Variants in SORCS1 observed in about 807,000 individuals in gnomAD.
SORCS1 encodes VPS10 domain-containing receptor SorCS1.
In SORCS1, 60 loss-of-function variants were observed where a neutral mutation model predicts 146.1. The ratio of observed to expected loss-of-function variants is 0.41; its 90% confidence interval spans 0.33 to 0.51. The LOEUF (loss-of-function observed/expected upper bound fraction) is 0.51, where lower values mean the gene tolerates loss of function less well. SORCS1 is among the 20% of genes least tolerant of loss of function. SORCS1 has a pLI of 0.21. For synonymous variants in SORCS1, 637 were observed against 584.0 expected (o/e 1.09, Z -1.31); for missense variants, 1,352 against 1,487.6 (o/e 0.91, Z 1.50).
intron 9 of SORCS1, among the ~76,000 whole-genome samples, chr10:106,691,475 T>A (rs887547270): frequency 2.0e-5 from 3 of 152,256 alleles, no homozygotes; most frequent in African/African-American, 4.8e-5. Context: ...TAGTTATTTC[T>A]TATTATTTAA....
rs1273209599 is a variant in SORCS1, at chr10:107,164,344, C to T, written c.183G>A (p.Arg61=). 1 of 1,531,564 alleles carries T rather than the reference C, an allele frequency of 6.5e-7. No homozygotes were observed. The highest frequency in any genetic ancestry group is 8.8e-7 in the Non-Finnish European group (1 of 1,141,314). The allele number at this position is 1,531,564 out of a possible 1,614,324, so 94.9% of individuals were successfully genotyped here. ...GGGGCGTGGCAGGAGCCCTGCCTGG[C>T]CGCCCCTGGTGGGAAAAGCCCCTAG... The part of the protein sequence containing the change: ...STPRGFSHQG[R]PGRAPATPLP... The change falls in exon 1 of 26, where the codon CGG becomes CGA. Residue 61 remains arginine (R), a synonymous_variant. Transcript: ENST00000263054. This position sits in a 1 kb window ranked among gnomAD's most constrained non-coding sequence, Gnocchi z 6.8.
At chr10:107,055,790 C>T (rs1433805651) in intron 1 of SORCS1, among the ~76,000 whole-genome samples, 2 of 151,572 alleles carry the variant, frequency 1.3e-5, no homozygotes, top group Non-Finnish European at 2.9e-5. Flanking sequence ...TCAGGATATA[C>T]CAGGCACCAG....
chr10:106,776,659 T>C lies in SORCS1; in HGVS notation c.760A>G (p.Ser254Gly). ...CCTTCATCTGAGCTGATCAATAAAC[T>C]GCTCTCAATCTCCGGGTCTGTGAGT... ...MLLTDPEIES[S>G]LLISSDEGAT... The change falls in exon 4 of 26, where the codon AGT becomes GGT. Residue 254 changes from serine to glycine, a missense_variant. Transcript: ENST00000263054. 6.2e-7 allele frequency: 1 copy of C among 1,613,952 alleles called. No homozygotes were observed. The highest frequency in any genetic ancestry group is 2.2e-5 in the East Asian group (1 of 44,860).
At chr10:107,039,276 G>A (rs554489250) in intron 1 of SORCS1, among the ~76,000 whole-genome samples, 12 of 145,058 alleles carry the variant, frequency 8.3e-5, no homozygotes, top group Admixed American at 1.4e-4. Context: ...TGCAGTGAGC[G>A]TAGATCGCGT....
At chr10:106,958,010 C>T (rs1295219792) in intron 1 of SORCS1, among the ~76,000 whole-genome samples, 1 of 152,198 alleles carries the variant, frequency 6.6e-6, no homozygotes, top group Non-Finnish European at 1.5e-5. Flanking sequence ...TACCCCTTCT[C>T]AGTCACACCA....
At chr10:106,914,251 T>C (rs1221839551) in intron 2 of SORCS1, among the ~76,000 whole-genome samples, 1 of 152,242 alleles carries the variant, frequency 6.6e-6, no homozygotes, top group African/African-American at 2.4e-5. Context: ...GCTGTTTTTT[T>C]TCTCCTTTCT....
At chr10:106,674,327 T>C in intron 14 of SORCS1, among the ~76,000 whole-genome samples, 1 of 1,410 alleles carries the variant, frequency 7.1e-4, no homozygotes. Context: ...AGACTCCGTC[T>C]CAAAAAAAAA....
At chr10:107,012,980 A>AC (rs2139755656) in intron 1 of SORCS1, among the ~76,000 whole-genome samples, 1 of 152,156 alleles carries the variant, frequency 6.6e-6, no homozygotes, top group South Asian at 2.1e-4. Flanking sequence ...CCTTAATGCC[A>AC]CTTCATGTCT....
Position 107,117,440 on chromosome 10 carries a change from G to C in SORCS1, c.558+46529C>G, listed in dbSNP as rs542505144. The stretch of plus-strand genomic sequence containing the variant: ...TCATTGCTTTGCTCTCAACAGGCCA[G>C]AAAGCCTCTTCTCAAAGCTGTGAGA... On this transcript the variant is annotated intron_variant, in intron 1 of 25. Transcript: ENST00000263054. Among the ~76,000 whole-genome samples the C allele has an allele frequency of 3.3e-5, 5 of 152,310 alleles. No homozygotes were observed. The East Asian group carries it at 7.7e-4, about 24-fold the overall frequency.
intron 1 of SORCS1, among the ~76,000 whole-genome samples, chr10:107,057,367 T>C (rs1387672276): frequency 6.6e-6 from 1 of 152,198 alleles, no homozygotes; most frequent in African/African-American, 2.4e-5. Flanking sequence ...GAGAAAGGAA[T>C]TGATTAAGAT....
At chr10:106,920,049 G>C (rs1952634795) in intron 2 of SORCS1, among the ~76,000 whole-genome samples, 1 of 152,140 alleles carries the variant, frequency 6.6e-6, no homozygotes, top group Non-Finnish European at 1.5e-5. Flanking sequence ...GGTGGTAAAT[G>C]CCTCCTCCTT....
intron 1 of SORCS1, among the ~76,000 whole-genome samples, chr10:107,085,837 G>A (rs1360006742): frequency 6.6e-6 from 1 of 152,074 alleles, no homozygotes; most frequent in East Asian, 1.9e-4. Flanking sequence ...TTTGTATTAC[G>A]CCGAGGCAAC....
At chr10:107,123,980 G>A (rs1410979630) in intron 1 of SORCS1, among the ~76,000 whole-genome samples, 8 of 151,534 alleles carry the variant, frequency 5.3e-5, no homozygotes, top group Non-Finnish European at 8.8e-5. Flanking sequence ...CCAGCTACTC[G>A]GGAGGCTGAG....
chr10:106,639,791 A>T (rs765473928), intron 18 of SORCS1, among the ~76,000 whole-genome samples: 4 of 152,112 alleles, frequency 2.6e-5, no homozygotes, highest in African/African-American at 9.7e-5. Flanking sequence ...AGAAACTGAT[A>T]CCTGCCTCAC....
At chr10:106,727,921 G>A (rs915782924) in intron 6 of SORCS1, among the ~76,000 whole-genome samples, 49 of 152,224 alleles carry the variant, frequency 3.2e-4, no homozygotes, top group African/African-American at 1.1e-3. Context: ...GGCAACGAGT[G>A]AGGAGAGGGC....
At chr10:107,006,457 A>G (rs1045131785) in intron 1 of SORCS1, among the ~76,000 whole-genome samples, 15 of 152,238 alleles carry the variant, frequency 9.9e-5, no homozygotes, top group African/African-American at 3.6e-4. Context: ...GGTAATAAGT[A>G]GTAAGTCAGA....
intron 18 of SORCS1, among the ~76,000 whole-genome samples, chr10:106,650,229 G>C (rs549648340): frequency 6.6e-6 from 1 of 152,198 alleles, no homozygotes; most frequent in Non-Finnish European, 1.5e-5. Flanking sequence ...TAGAGTTGAA[G>C]AGAGTCACTC....
intron 1 of SORCS1, among the ~76,000 whole-genome samples, chr10:107,066,054 AC>A (rs1477340418): frequency 1.3e-5 from 2 of 152,206 alleles, no homozygotes; most frequent in Non-Finnish European, 2.9e-5. Context: ...CTCAGTCTCT[AC>A]AGAGACTGAA....
intron 6 of SORCS1, among the ~76,000 whole-genome samples, chr10:106,712,795 A>G (rs1243407547): frequency 6.6e-6 from 1 of 152,188 alleles, no homozygotes; most frequent in African/African-American, 2.4e-5. Flanking sequence ...ATATTTCTGA[A>G]TCAGGTTCTT....
Sources: gnomAD v4.1 joint callset for allele counts (sites outside exome capture counted in the v4.1 genomes callset) on GRCh38, gnomAD v4.1.1 for gene constraint, Gnocchi (gnomAD v3.1) non-coding constraint, MANE v1.5 for transcripts, NCBI Gene and HGNC (gene_info 2026-07-23, HGNC 2026-07-21) for gene names.